ST8SIA1: variants seen among roughly 807,000 people sequenced by gnomAD.
ST8SIA1 encodes ST8 alpha-N-acetyl-neuraminide alpha-2,8-sialyltransferase 1, also known as alpha-N-acetylneuraminide alpha-2,8-sialyltransferase.
ST8SIA1 carries 16 observed loss-of-function variants against 35.9 expected under a neutral mutation model. The ratio of observed to expected loss-of-function variants is 0.45; its 90% CI spans 0.30 to 0.68. The LOEUF (loss-of-function observed/expected upper bound fraction) is 0.68. ST8SIA1 is among the 30% of genes least tolerant of loss of function. The pLI is 0.09. For synonymous variants in ST8SIA1, 170 were observed against 169.6 expected (o/e 1.00, Z -0.02); for missense variants, 383 against 453.6 (o/e 0.84, Z 1.41).
At chr12:22,284,602 C>T (rs889089815) in intron 2 of ST8SIA1, among the ~76,000 whole-genome samples, 1 of 152,282 alleles carries the variant, frequency 6.6e-6, no homozygotes, top group Non-Finnish European at 1.5e-5. Context: ...AAAATACATA[C>T]ATATGCAATT....
Position 22,201,801 on chromosome 12 carries a change from G to C in ST8SIA1, c.822C>G (p.Ser274=). ...KSRGIHAKRL[S]TGLFLVSAAL... ...CTGCGCTCACCAGAAAAAGTCCTGT[G>C]GACAGGCGCTTGGCATGGATTCCTC... The change falls in exon 5 of 5, where the codon TCC becomes TCG. Residue 274 remains serine, a synonymous_variant. Coordinates refer to ENST00000396037, the MANE Select transcript of ST8SIA1 (RefSeq NM_003034.4). The C allele has an allele frequency of 6.2e-7, 1 of 1,614,150 alleles. No homozygotes were observed. Among genetic ancestry groups the C allele is most frequent in the Non-Finnish European group, 8.5e-7 (1 of 1,180,002 alleles).
At chr12:22,285,871 C>CAAAAAAAAAA (rs1264234503) in intron 2 of ST8SIA1, among the ~76,000 whole-genome samples, 3 of 94,950 alleles carry the variant, frequency 3.2e-5, no homozygotes, top group African/African-American at 9.2e-5. Context: ...AAGACTCTGT[C>CAAAAAAAAAA]AAAAACAAAA....
chr12:22,270,251 A>G (rs1362801722), intron 2 of ST8SIA1, among the ~76,000 whole-genome samples: 2 of 152,344 alleles, frequency 1.3e-5, no homozygotes, highest in Middle Eastern at 6.8e-3. Flanking sequence ...TACATGTCAA[A>G]TGGAGACAAT....
chr12:22,326,243 G>A, intron 1 of ST8SIA1: 1 of 200,510 alleles, frequency 5.0e-6, no homozygotes, highest in Admixed American at 6.0e-5. Flanking sequence ...TTCAGCAAAT[G>A]TGGTTGAATG....
chr12:22,282,929 T>A (rs1441600669), intron 2 of ST8SIA1, among the ~76,000 whole-genome samples: 1 of 152,048 alleles, frequency 6.6e-6, no homozygotes, highest in Non-Finnish European at 1.5e-5. Context: ...GAAAAAAAAA[T>A]TGCTGTGAAA....
At chr12:22,231,598 G>A (rs981619665) in intron 4 of ST8SIA1, among the ~76,000 whole-genome samples, 2 of 151,510 alleles carry the variant, frequency 1.3e-5, no homozygotes, top group Admixed American at 6.6e-5. Flanking sequence ...TTTTGAGATG[G>A]AGTCTTGCTC....
intron 2 of ST8SIA1, among the ~76,000 whole-genome samples, chr12:22,262,897 G>A (rs1007778967): frequency 3.3e-5 from 5 of 152,154 alleles, no homozygotes; most frequent in East Asian, 1.9e-4. Context: ...AAGAGATTGC[G>A]GGCAGGCTGC....
In ST8SIA1 at chr12:22,199,578, C is replaced by T. The variant is rs968152566; in HGVS notation, c.*1974G>A. Reference sequence around the variant, plus strand: ...TAGCAAACCAGTTCTCCAATAGCATCATTACTCTCGAATTCTTAACTTTCT... The same window carrying T: ...TAGCAAACCAGTTCTCCAATAGCATTATTACTCTCGAATTCTTAACTTTCT... On this transcript the variant is annotated 3_prime_UTR_variant, in exon 5 of 5. Transcript: ENST00000396037. The T allele has an allele frequency of 2.0e-5, 3 of 152,150 alleles. No homozygotes were observed. Among genetic ancestry groups the T allele is most frequent in the Non-Finnish European group, 4.4e-5 (3 of 68,022 alleles). 9.4% of individuals were successfully genotyped at this position (152,150 alleles called of 1,614,324 possible).
intron 1 of ST8SIA1, chr12:22,333,774 G>A: frequency 1.3e-6 from 1 of 742,996 alleles, no homozygotes; most frequent in Non-Finnish European, 2.4e-6. Context: ...CTTTACATGC[G>A]CAAAGCAGGT....
intron 1 of ST8SIA1, among the ~76,000 whole-genome samples, chr12:22,302,652 G>A (rs1396081624): frequency 6.6e-6 from 1 of 152,066 alleles, no homozygotes; most frequent in Non-Finnish European, 1.5e-5. Flanking sequence ...TTTTAGAAAA[G>A]AAAAGGGGGA....
At chr12:22,265,742 G>T (rs965294138) in intron 2 of ST8SIA1, among the ~76,000 whole-genome samples, 1 of 151,948 alleles carries the variant, frequency 6.6e-6, no homozygotes, top group African/African-American at 2.4e-5. Flanking sequence ...AGGCTCTTCT[G>T]TTCTTCTCCT....
rs187721983 is a variant in ST8SIA1 at position 22,318,396 on chromosome 12, G to T, written c.236+15601C>A. Among the ~76,000 whole-genome samples the T allele has an allele frequency of 2.6e-5, 4 of 152,320 alleles. No individual in the cohort carries two copies. The East Asian group carries it at 5.8e-4, about 22-fold the overall frequency. On this transcript the variant is annotated intron_variant, in intron 1 of 4. Coordinates refer to ENST00000396037, the MANE Select transcript of ST8SIA1 (RefSeq NM_003034.4). ...AGTCTCCCTTACTATGGTATGGCTG[G>T]CATCTTTTCTAGGCTTCCACCTCTT...
At chr12:22,332,186 G>C (rs1180449729) in intron 1 of ST8SIA1, among the ~76,000 whole-genome samples, 3 of 152,184 alleles carry the variant, frequency 2.0e-5, no homozygotes, top group African/African-American at 7.2e-5. Context: ...TGTTTAGGTA[G>C]TTTTCATAGT....
intron 3 of ST8SIA1, among the ~76,000 whole-genome samples, chr12:22,254,767 G>A (rs192480488): frequency 1.1e-4 from 16 of 152,078 alleles, no homozygotes; most frequent in Admixed American, 2.0e-4. Context: ...TTTACCAAGC[G>A]TCCCCTCGTT....
chr12:22,265,334 G>C (rs1865835059), intron 2 of ST8SIA1, among the ~76,000 whole-genome samples: 1 of 152,228 alleles, frequency 6.6e-6, no homozygotes, highest in South Asian at 2.1e-4. Context: ...GAAGTACTAA[G>C]CTTCATGCCA....
chr12:22,289,242 T>C (rs972406318), intron 1 of ST8SIA1, among the ~76,000 whole-genome samples: 2 of 152,198 alleles, frequency 1.3e-5, no homozygotes, highest in Non-Finnish European at 2.9e-5. Context: ...TGATATCTTA[T>C]ATTTTTTAGT....
chr12:22,315,012 T>C (rs1012652440), intron 1 of ST8SIA1, among the ~76,000 whole-genome samples: 1 of 152,252 alleles, frequency 6.6e-6, no homozygotes, highest in South Asian at 2.1e-4. Flanking sequence ...TGCATGACTG[T>C]TTCTCTGCCA....
At chr12:22,317,243 G>A (rs926599208) in intron 1 of ST8SIA1, among the ~76,000 whole-genome samples, 6 of 152,146 alleles carry the variant, frequency 3.9e-5, no homozygotes, top group African/African-American at 1.4e-4. Context: ...TAGACGTTGT[G>A]GGTGGGAAAG....
Position 22,249,063 on chromosome 12 carries a change from T to G in ST8SIA1, c.527A>C (p.Lys176Thr). Residue 176 changes from lysine (K) to threonine (T), a missense_variant, in exon 4 of 5, where the codon AAG (lysine) becomes ACG (threonine). Physicochemically the swap from Lys to Thr is moderately conservative, Grantham distance 78. Coordinates refer to ENST00000396037, the MANE Select transcript of ST8SIA1 (RefSeq NM_003034.4). ...NLPPLSSEYTKDVGSKSQLVT... is the reference protein window; with the variant it reads ...NLPPLSSEYTTDVGSKSQLVT... ...TAACTGACTTTTGGATCCAACATCC[T>G]TAGTGTATTCACTTGACAAAGGAGG... 6.2e-7 allele frequency: 1 copy of G among 1,613,938 alleles called. No individual in the cohort carries two copies. The highest frequency in any genetic ancestry group is 8.5e-7 in the Non-Finnish European group (1 of 1,179,886).
Sources: gnomAD v4.1 joint callset for allele counts (sites outside exome capture counted in the v4.1 genomes callset) on GRCh38, gnomAD v4.1.1 for gene constraint, MANE v1.5 for transcripts, NCBI Gene and HGNC (gene_info 2026-07-23, HGNC 2026-07-21) for gene names.